Variants in ABLIM1 observed in about 807,000 individuals in gnomAD.
ABLIM1 encodes the protein actin binding LIM protein 1.
In ABLIM1, 40 loss-of-function variants were observed where a neutral mutation model predicts 107.0. That is an observed-to-expected ratio of 0.37 (90% confidence interval 0.29 to 0.49). The LOEUF is 0.49. Ranked by LOEUF, ABLIM1 falls within the 20% of genes least tolerant of loss-of-function variation. The pLI, the probability that ABLIM1 is intolerant of heterozygous loss-of-function variation, is 0.97. For missense variants in ABLIM1, 857 were observed against 1,008.5 expected (o/e 0.85, Z 2.04); for synonymous variants, 357 against 357.3 (o/e 1.00, Z 0.01).
At chr10:114,555,738 C>T (rs2068647935) in intron 4 of ABLIM1, among the ~76,000 whole-genome samples, 1 of 152,030 alleles carries the variant, frequency 6.6e-6, no homozygotes, top group Non-Finnish European at 1.5e-5. Flanking sequence ...ATGCCCTTTA[C>T]TATAAAAATT....
intron 1 of ABLIM1, among the ~76,000 whole-genome samples, chr10:114,656,603 G>GA (rs976118893): frequency 5.3e-5 from 8 of 149,686 alleles, no homozygotes; most frequent in South Asian, 2.1e-4. Flanking sequence ...CACGAAAAAA[G>GA]AAAAAAAAAC....
intron 1 of ABLIM1, among the ~76,000 whole-genome samples, chr10:114,701,391 G>A (rs1338939214): frequency 1.3e-5 from 2 of 151,966 alleles, no homozygotes; most frequent in East Asian, 3.9e-4. Context: ...CCTACCCTCC[G>A]ACCTAGCAAT....
chr10:114,590,259 T>C (rs147309901), intron 2 of ABLIM1, among the ~76,000 whole-genome samples: 2 of 152,268 alleles, frequency 1.3e-5, no homozygotes, highest in African/African-American at 4.8e-5. Flanking sequence ...GATGTGTCTC[T>C]TAGAACATAC....
intron 1 of ABLIM1, among the ~76,000 whole-genome samples, chr10:114,664,661 A>G (rs2079941379): frequency 6.6e-6 from 1 of 151,636 alleles, no homozygotes; most frequent in South Asian, 2.1e-4. Flanking sequence ...CTCCTGCCTC[A>G]GCCTCCCAAG....
Position 114,434,528 on chromosome 10 carries a change from A to G in ABLIM1, c.*1732T>C, listed in dbSNP as rs1446050076. On this transcript the variant is annotated 3_prime_UTR_variant, in exon 23 of 23. Coordinates refer to ENST00000533213, the MANE Select transcript of ABLIM1 (RefSeq NM_002313.7). ...CTTTTTTACCACTGGTGTCAGAGAG[A>G]CAGCTTGTAATCCTAATATTTGGTG... is the stretch of plus-strand genomic sequence containing the variant. 6.6e-6 allele frequency: 1 copy of G among 152,174 alleles called. No homozygotes were observed. The highest frequency in any genetic ancestry group is 2.4e-5 in the African/African-American group (1 of 41,438). 9.4% of individuals were successfully genotyped at this position (152,174 alleles called of 1,614,324 possible).
At chr10:114,753,651 T>C (rs1163881361) in intron 1 of ABLIM1, among the ~76,000 whole-genome samples, 4 of 152,306 alleles carry the variant, frequency 2.6e-5, no homozygotes, top group Admixed American at 2.0e-4. Flanking sequence ...GTTAAATGGA[T>C]TCATTTTCTA....
At chr10:114,567,663 T>C (rs1437156022) in intron 4 of ABLIM1, among the ~76,000 whole-genome samples, 1 of 152,210 alleles carries the variant, frequency 6.6e-6, no homozygotes. Context: ...CTCTTTCATA[T>C]AAATGTCCAC....
At chr10:114,542,422 A>AT (rs2066786186) in intron 6 of ABLIM1, among the ~76,000 whole-genome samples, 1 of 148,148 alleles carries the variant, frequency 6.8e-6, no homozygotes, top group African/African-American at 2.6e-5. Flanking sequence ...AAAAAAAAAA[A>AT]GAAAGAAAGA....
At chr10:114,491,012 G>GTGTGTATATATATATATATA in intron 7 of ABLIM1, among the ~76,000 whole-genome samples, 7 of 92,384 alleles carry the variant, frequency 7.6e-5, no homozygotes, top group African/African-American at 1.4e-4. Context: ...GTGTGTGTGT[G>GTGTGTATATATATATATATA]TATATATATA....
In ABLIM1 at chr10:114,487,675, C is replaced by G. The variant is rs565340663; in HGVS notation, c.1041+283G>C. Among the ~76,000 whole-genome samples the G allele has an allele frequency of 2.6e-5, 4 of 152,180 alleles. No homozygotes were observed. In the East Asian group the frequency reaches 7.7e-4, roughly 29 times the overall value. On this transcript the variant is annotated intron_variant, in intron 8 of 22. Transcript: ENST00000533213. Reference sequence around the variant, plus strand: ...CTGGAACCTGATGAGTCGTTGTTTTCCCATCTGCATGATTTGACTTTTCTC... The same window carrying G: ...CTGGAACCTGATGAGTCGTTGTTTTGCCATCTGCATGATTTGACTTTTCTC...
intron 5 of ABLIM1, among the ~76,000 whole-genome samples, chr10:114,547,055 T>C (rs1303325331): frequency 3.1e-4 from 47 of 151,936 alleles, no homozygotes; most frequent in Non-Finnish European, 2.9e-5. Context: ...GCCTCCCAAG[T>C]GTTGAGATTA....
chr10:114,687,523 C>G (rs559675122), upstream of ABLIM1, among the ~76,000 whole-genome samples: 1 of 152,118 alleles, frequency 6.6e-6, no homozygotes. Context: ...AAGGTATGAC[C>G]GATAGTGATG....
At chr10:114,761,301 T>C (rs1158780659) in intron 1 of ABLIM1, among the ~76,000 whole-genome samples, 1 of 150,422 alleles carries the variant, frequency 6.6e-6, no homozygotes, top group Non-Finnish European at 1.5e-5. Context: ...ATTCCTATTG[T>C]CCCTCCGCCC....
At chr10:114,785,753 G>A in the ABLIM1 span, among the ~76,000 whole-genome samples, 2 of 152,098 alleles carry the variant, frequency 1.3e-5, no homozygotes, top group Non-Finnish European at 2.9e-5. Flanking sequence ...TTTTGAGACC[G>A]ATTCTCGCTC....
intron 1 of ABLIM1, among the ~76,000 whole-genome samples, chr10:114,638,511 T>G (rs1004204804): frequency 1.3e-5 from 2 of 152,158 alleles, no homozygotes; most frequent in Non-Finnish European, 2.9e-5. Flanking sequence ...TTATACTTTA[T>G]ATGTGAGAAA....
chr10:114,601,364 A>C (rs925751318), intron 2 of ABLIM1, among the ~76,000 whole-genome samples: 1 of 151,518 alleles, frequency 6.6e-6, no homozygotes, highest in African/African-American at 2.4e-5. Context: ...TCCCGGGTTC[A>C]AGCGATTCTC....
chr10:114,660,742 T>A (rs975091256), upstream of ABLIM1, among the ~76,000 whole-genome samples: 1 of 152,240 alleles, frequency 6.6e-6, no homozygotes, highest in African/African-American at 2.4e-5. Context: ...TACATGGTCT[T>A]TTTGTGAAAT....
At chr10:114,734,786 T>G (rs2082145862) in intron 1 of ABLIM1, among the ~76,000 whole-genome samples, 1 of 152,182 alleles carries the variant, frequency 6.6e-6, no homozygotes, top group African/African-American at 2.4e-5. Context: ...TCCTGAGGGT[T>G]GGGTTTCTTT....
intron 1 of ABLIM1, among the ~76,000 whole-genome samples, chr10:114,649,545 T>C (rs756222966): frequency 6.6e-6 from 1 of 152,196 alleles, no homozygotes; most frequent in African/African-American, 2.4e-5. Context: ...AATCCTGACA[T>C]ACTTAAATCC....
Sources: allele counts gnomAD v4.1 joint callset (sites outside exome capture counted in the v4.1 genomes callset), GRCh38; gene constraint gnomAD v4.1.1; transcripts MANE v1.5; gene names NCBI Gene and HGNC (gene_info 2026-07-23, HGNC 2026-07-21).